The following FAM200B variants were observed in gnomAD, a reference collection of about 807,000 sequenced individuals.
FAM200B encodes zinc finger BED-type containing 11.
Under a neutral mutation model 33.1 loss-of-function variants are expected in FAM200B, and 32 were observed. The ratio of observed to expected loss-of-function variants is 0.97; its 90% confidence interval spans 0.73 to 1.30. The LOEUF is 1.30. FAM200B is among the 50% of genes most tolerant of loss of function. The pLI is 0.00. For missense variants in FAM200B, 741 were observed against 754.0 expected (o/e 0.98, Z 0.20); for synonymous variants, 240 against 264.8 (o/e 0.91, Z 0.91).
chr4:15,658,053 A>G, the FAM200B span, among the ~76,000 whole-genome samples: 2 of 152,236 alleles, frequency 1.3e-5, no homozygotes, highest in East Asian at 3.8e-4. Flanking sequence ...GCAACCTAAA[A>G]ATATAACTTA....
chr4:15,662,511 T>C, the FAM200B span, among the ~76,000 whole-genome samples: 1 of 152,206 alleles, frequency 6.6e-6, no homozygotes, highest in Non-Finnish European at 1.5e-5. Flanking sequence ...GCTATATACA[T>C]TAAATAATGA....
upstream of FAM200B, among the ~76,000 whole-genome samples, chr4:15,678,383 T>C (rs1209389252): frequency 6.6e-6 from 1 of 152,242 alleles, no homozygotes; most frequent in Admixed American, 6.5e-5. Flanking sequence ...TTTACCTCAG[T>C]ATTGAAACAA....
chr4:15,648,107 T>A, the FAM200B span, among the ~76,000 whole-genome samples: 1 of 152,298 alleles, frequency 6.6e-6, no homozygotes, highest in East Asian at 1.9e-4. Context: ...TCCTCCTGAC[T>A]CAGCATCCTG....
At chr4:15,682,268 A>C (rs1476694524) in intron 1 of FAM200B, among the ~76,000 whole-genome samples, 1 of 152,218 alleles carries the variant, frequency 6.6e-6, no homozygotes, top group Admixed American at 6.5e-5. Flanking sequence ...GAAATGCAAG[A>C]GGTGGAAGGT....
chr4:15,638,982 T>C, the FAM200B span, among the ~76,000 whole-genome samples: 6 of 152,062 alleles, frequency 3.9e-5, no homozygotes, highest in South Asian at 2.1e-4. Context: ...CTGATCAACA[T>C]AGAAAAACGC....
the FAM200B span, among the ~76,000 whole-genome samples, chr4:15,675,572 ATTT>A: frequency 3.4e-3 from 326 of 96,638 alleles, no homozygotes; most frequent in African/African-American, 7.0e-3. Context: ...CAAAACTCCT[ATTT>A]TTTTTTTTTT....
At chr4:15,649,218 T>C in the FAM200B span, among the ~76,000 whole-genome samples, 1 of 151,090 alleles carries the variant, frequency 6.6e-6, no homozygotes, top group African/African-American at 2.4e-5. Context: ...CCCAACTCAG[T>C]TTTTCTCCAC....
the FAM200B span, among the ~76,000 whole-genome samples, chr4:15,652,517 G>T: frequency 6.6e-6 from 1 of 152,088 alleles, no homozygotes; most frequent in African/African-American, 2.4e-5. Flanking sequence ...AGAAATCCAT[G>T]GGCAAAGTAT....
the FAM200B span, among the ~76,000 whole-genome samples, chr4:15,653,543 TATAATTTCAG>T: frequency 6.6e-6 from 1 of 152,108 alleles, no homozygotes; most frequent in Admixed American, 6.5e-5. Context: ...AAATTTTCCA[TATAATTTCAG>T]GTGATCCTAG....
the FAM200B span, chr4:15,640,686 A>G: frequency 1.8e-6 from 1 of 561,040 alleles, no homozygotes; most frequent in Admixed American, 3.4e-5. Context: ...CTCTCCATCA[A>G]CCAGATACAT....
At chr4:15,682,782 A>G (rs1365863607) in intron 1 of FAM200B, among the ~76,000 whole-genome samples, 5 of 152,242 alleles carry the variant, frequency 3.3e-5, no homozygotes, top group Admixed American at 1.3e-4. Context: ...ATAGGACTTC[A>G]TGTGACCCAA....
chr4:15,677,556 A>C (rs542179923), upstream of FAM200B, among the ~76,000 whole-genome samples: 1 of 152,180 alleles, frequency 6.6e-6, no homozygotes, highest in Non-Finnish European at 1.5e-5. Flanking sequence ...CTGAGTTCAA[A>C]TAAGTGACTA....
chr4:15,683,049 C>A (rs774169337), intron 1 of FAM200B, among the ~76,000 whole-genome samples: 6 of 152,132 alleles, frequency 3.9e-5, no homozygotes, highest in Admixed American at 1.3e-4. Context: ...GATGATACAG[C>A]GCACTAGAGA....
At chr4:15,656,460 C>T in the FAM200B span, 238 of 354,646 alleles carry the variant, frequency 6.7e-4, no homozygotes, top group East Asian at 0.015. Context: ...TGTGTTCACC[C>T]TTGTTCTCTA....
At chr4:15,644,689 G>C in the FAM200B span, 1 of 1,606,988 alleles carries the variant, frequency 6.2e-7, no homozygotes. Context: ...GTTGTTGTTG[G>C]AAAAATTGGT....
At chr4:15,679,089 G>A (rs1279654373), upstream of FAM200B, among the ~76,000 whole-genome samples, 2 of 140,056 alleles carry the variant, frequency 1.4e-5, no homozygotes, top group South Asian at 2.2e-4. Context: ...TTTTTGAGAC[G>A]GAGTCTCACT....
At chr4:15,677,482 T>G (rs1718035570), upstream of FAM200B, among the ~76,000 whole-genome samples, 2 of 152,256 alleles carry the variant, frequency 1.3e-5, no homozygotes, top group South Asian at 4.1e-4. Flanking sequence ...ACCAACTAGG[T>G]GTTTACAGGA....
chr4:15,673,219 C>T, the FAM200B span, among the ~76,000 whole-genome samples: 4 of 152,118 alleles, frequency 2.6e-5, no homozygotes, highest in African/African-American at 9.7e-5. Context: ...GTAGCTGGAT[C>T]GCTTGAGCCC....
the FAM200B span, among the ~76,000 whole-genome samples, chr4:15,645,544 C>G: frequency 6.6e-6 from 1 of 152,142 alleles, no homozygotes; most frequent in African/African-American, 2.4e-5. Context: ...TATCCTGCCT[C>G]AGCCTCCTGA....
Sources: allele counts gnomAD v4.1 joint callset (sites outside exome capture counted in the v4.1 genomes callset), GRCh38; gene constraint gnomAD v4.1.1; transcripts MANE v1.5; gene names NCBI Gene and HGNC (gene_info 2026-07-23, HGNC 2026-07-21).